Variants in XRN2 observed in about 807,000 individuals in gnomAD.
XRN2 encodes DHM1-like protein.
In XRN2, 44 loss-of-function variants were observed where a neutral mutation model predicts 138.5. The ratio of observed to expected loss-of-function variants is 0.32; its 90% CI spans 0.25 to 0.41. The LOEUF is 0.41. XRN2 is among the 10% of genes least tolerant of loss of function. The pLI, the probability that XRN2 is intolerant of heterozygous loss-of-function variation, is 1.00. For synonymous variants in XRN2, 354 were observed against 369.4 expected (o/e 0.96, Z 0.48); for missense variants, 937 against 1,169.3 (o/e 0.80, Z 2.90).
intron 27 of XRN2, among the ~76,000 whole-genome samples, chr20:21,373,941 T>C (rs374511149): frequency 4.9e-4 from 74 of 152,338 alleles, no homozygotes; most frequent in African/African-American, 1.8e-3. Context: ...TGCTGTCATA[T>C]GATGAACAGA....
At position 21,308,993 on chromosome 20, in the gene XRN2, A is replaced by G. The variant is rs111683114; in HGVS notation, c.75+5520A>G. Among the ~76,000 whole-genome samples the G allele has an allele frequency of 5.8e-4, 89 of 152,362 alleles. 1 individual carries two copies. Among genetic ancestry groups the G allele is most frequent in the African/African-American group, 2.0e-3 (82 of 41,592 alleles). On this transcript the variant is annotated intron_variant, in intron 1 of 29. Transcript: ENST00000377191. ...GGTGAATTATCGGTCTTTAAATGCT[A>G]AAGCCACCTTGCATTCCTTGGATAA...
At chr20:21,377,623 G>A (rs2038840395) in intron 27 of XRN2, among the ~76,000 whole-genome samples, 3 of 149,248 alleles carry the variant, frequency 2.0e-5, no homozygotes, top group African/African-American at 7.4e-5. Flanking sequence ...TTGTGATCTT[G>A]TTACTTCTAG....
At chr20:21,356,810 T>C (rs1386940416) in intron 23 of XRN2, 145 bp downstream of exon 23, 1 of 749,970 alleles carries the variant, frequency 1.3e-6, no homozygotes, top group African/African-American at 1.8e-5. Flanking sequence ...TGAAAAATGC[T>C]TGGGTTCAAA....
intron 3 of XRN2, among the ~76,000 whole-genome samples, chr20:21,327,490 G>A (rs2038144239): frequency 6.6e-6 from 1 of 152,152 alleles, no homozygotes; most frequent in Non-Finnish European, 1.5e-5. Flanking sequence ...GTCTTACTCA[G>A]TGAAAAACCT....
At chr20:21,333,467 G>A in intron 9 of XRN2, 77 bp from the exon 10 acceptor site, 1 of 1,430,708 alleles carries the variant, frequency 7.0e-7, no homozygotes, top group East Asian at 2.3e-5. Flanking sequence ...GTTAGAAAAA[G>A]CCTTAAAATT....
chr20:21,315,487 G>A (rs534903658), intron 1 of XRN2, among the ~76,000 whole-genome samples: 7 of 152,162 alleles, frequency 4.6e-5, no homozygotes, highest in African/African-American at 1.7e-4. Flanking sequence ...TAGGTTCTTT[G>A]TCTCCTCTTC....
chr20:21,333,310 C>T (rs1053923107), intron 9 of XRN2, among the ~76,000 whole-genome samples: 5 of 152,086 alleles, frequency 3.3e-5, no homozygotes, highest in Admixed American at 2.6e-4. Flanking sequence ...CCCCCAGTAG[C>T]CAAAATAATT....
intron 1 of XRN2, among the ~76,000 whole-genome samples, chr20:21,324,151 C>A (rs1243826584): frequency 2.0e-5 from 3 of 152,088 alleles, no homozygotes; most frequent in Non-Finnish European, 2.9e-5. Flanking sequence ...CCCACCCCCC[C>A]AAGAATTGAC....
At chr20:21,385,644 A>G (rs565523488) in intron 28 of XRN2, among the ~76,000 whole-genome samples, 184 of 152,092 alleles carry the variant, frequency 1.2e-3, no homozygotes, top group Non-Finnish European at 2.0e-3. Flanking sequence ...TCACACAAAA[A>G]TAATTATCTC....
At chr20:21,329,594 T>C (rs2038175009) in intron 4 of XRN2, among the ~76,000 whole-genome samples, 1 of 152,354 alleles carries the variant, frequency 6.6e-6, no homozygotes, top group African/African-American at 2.4e-5. Context: ...CAACTTGTAA[T>C]TAAGACTCTA....
chr20:21,365,536 A>G, intron 25 of XRN2, 37 bp from the exon 26 acceptor site: 1 of 1,613,426 alleles, frequency 6.2e-7, no homozygotes, highest in Non-Finnish European at 8.5e-7. Flanking sequence ...AATGGTTTTC[A>G]TCCCTATTAC....
Position 21,347,409 on chromosome 20 carries a change from C to G in XRN2, c.1666-737C>G, listed in dbSNP as rs570260071. The stretch of plus-strand genomic sequence containing the variant: ...AACACTGATAGTTAATATCTGGTTT[C>G]GTGCTTAGAGAGCAAACCAAGTTAA... On this transcript the variant is annotated intron_variant, in intron 17 of 29. Transcript: ENST00000377191. 3.9e-5 allele frequency among the ~76,000 whole-genome samples: 6 copies of G among 152,230 alleles called. No homozygotes were observed. In the East Asian group the frequency reaches 7.7e-4, roughly 20 times the overall value.
chr20:21,308,881 G>A (rs2037839797), intron 1 of XRN2, among the ~76,000 whole-genome samples: 1 of 151,586 alleles, frequency 6.6e-6, no homozygotes, highest in African/African-American at 2.4e-5. Context: ...GGAATCCTTT[G>A]TCAAAGCCAA....
At chr20:21,380,656 C>G (rs941734460) in intron 27 of XRN2, among the ~76,000 whole-genome samples, 71 of 152,168 alleles carry the variant, frequency 4.7e-4, no homozygotes, top group African/African-American at 1.7e-3. Flanking sequence ...GAACTTAATT[C>G]CAATTGACTA....
rs1175884904 is a variant in XRN2 at position 21,365,614 on chromosome 20, C to A, written c.2366C>A (p.Ser789Tyr). Residue 789 changes from serine (S) to tyrosine (Y), a missense_variant, in exon 26 of 30, where the codon TCC (serine) becomes TAC (tyrosine). Around this residue, in one of 6 missense-constraint regions of XRN2, gnomAD observed 372 missense variants for 414.4 expected, o/e 0.90. Transcript: ENST00000377191. ...AVLKPSDWEK[S>Y]SNGRQWKPQL... ...CTGAAACCTAGTGACTGGGAAAAAT[C>A]CAGCAATGGACGGCAGTGGAAGCCT... The A allele has an allele frequency of 1.9e-6, 3 of 1,613,146 alleles. No individual in the cohort carries two copies. Among genetic ancestry groups the A allele is most frequent in the African/African-American group, 2.7e-5 (2 of 74,588 alleles).
intron 24 of XRN2, among the ~76,000 whole-genome samples, chr20:21,360,814 A>T (rs1439959967): frequency 1.3e-5 from 2 of 152,168 alleles, no homozygotes; most frequent in Non-Finnish European, 2.9e-5. Flanking sequence ...TTGATGGTGG[A>T]AAACAGTTGG....
chr20:21,386,804 G>A (rs1464853683), intron 28 of XRN2, 64 bp from the exon 29 acceptor site: 12 of 1,544,066 alleles, frequency 7.8e-6, no homozygotes, highest in Non-Finnish European at 1.1e-5. Context: ...GATACCTGCC[G>A]ATTTTAGGCT....
chr20:21,386,823 T>C, intron 28 of XRN2, 45 bp from the exon 29 acceptor site: 1 of 1,591,820 alleles, frequency 6.3e-7, no homozygotes, highest in Non-Finnish European at 8.6e-7. Flanking sequence ...CTTTGTGCTG[T>C]ATAATAGGTG....
intron 29 of XRN2, among the ~76,000 whole-genome samples, chr20:21,387,732 A>C (rs945597997): frequency 2.0e-5 from 3 of 152,180 alleles, no homozygotes; most frequent in African/African-American, 7.2e-5. Flanking sequence ...GCTGTGATTC[A>C]GAGTAATGTG....
Sources: allele counts gnomAD v4.1 joint callset (sites outside exome capture counted in the v4.1 genomes callset), GRCh38; gene constraint gnomAD v4.1.1; regional missense constraint gnomAD v4.1.1; transcripts MANE v1.5; gene names NCBI Gene and HGNC (gene_info 2026-07-23, HGNC 2026-07-21).